GFPT2: variants seen among roughly 807,000 people sequenced by gnomAD.
The protein encoded by GFPT2 is glutamine--fructose-6-phosphate aminotransferase [isomerizing] 2.
A neutral mutation model predicts 85.6 loss-of-function variants in GFPT2; 62 were observed. The ratio of observed to expected loss-of-function variants is 0.72; its 90% CI spans 0.59 to 0.90. GFPT2 has a LOEUF of 0.90. Ranked by LOEUF, GFPT2 falls within the 40% of genes least tolerant of loss-of-function variation. The probability of loss-of-function intolerance (pLI) is 0.00; values close to 1 mark genes in which losing one functional copy is unlikely to be tolerated. For synonymous variants in GFPT2, 368 were observed against 344.5 expected (o/e 1.07, Z -0.75); for missense variants, 788 against 893.4 (o/e 0.88, Z 1.50).
chr5:180,322,373 T>G (rs2127651815), intron 9 of GFPT2, among the ~76,000 whole-genome samples: 1 of 152,306 alleles, frequency 6.6e-6, no homozygotes, highest in South Asian at 2.1e-4. Context: ...AATCTCTTAC[T>G]TCCTCATGGT....
At chr5:180,334,842 C>T (rs1486671323) in intron 4 of GFPT2, among the ~76,000 whole-genome samples, 1 of 152,224 alleles carries the variant, frequency 6.6e-6, no homozygotes, top group Admixed American at 6.5e-5. Context: ...CTCTCTTCTG[C>T]TCCATGCCTA....
chr5:180,301,235 CT>C lies in GFPT2; in HGVS notation c.*328del, dbSNP rs1206287370. 5.3e-6 allele frequency: 2 copies of C among 375,714 alleles called. No homozygotes were observed. Among genetic ancestry groups the C allele is most frequent in the Admixed American group, 4.1e-5 (1 of 24,150 alleles). 23.3% of individuals were successfully genotyped at this position (375,714 alleles called of 1,614,324 possible). A position where few individuals can be genotyped will look rare whatever the true frequency, so the allele number is the denominator to read the frequency against. ...ACAGTCGTCATTATAAATATCTTGT[CT>C]TTTAAAACTAACTCTAGTGTTGGTT... On this transcript the variant is annotated 3_prime_UTR_variant, in exon 19 of 19. Coordinates refer to ENST00000253778, the MANE Select transcript of GFPT2 (RefSeq NM_005110.4).
intron 15 of GFPT2, among the ~76,000 whole-genome samples, chr5:180,312,126 G>A (rs1763903672): frequency 1.9e-5 from 2 of 106,000 alleles, no homozygotes; most frequent in Non-Finnish European, 3.9e-5. Context: ...AGGGAGGCGG[G>A]GAGGCTGAGG....
Position 180,301,495 on chromosome 5 carries a change from G to T in GFPT2, c.*69C>A. 1 of 1,264,422 alleles carries T rather than the reference G, an allele frequency of 7.9e-7. No homozygotes were observed. Among genetic ancestry groups the T allele is most frequent in the Non-Finnish European group, 1.2e-6 (1 of 860,682 alleles). 78.3% of individuals were successfully genotyped at this position (1,264,422 alleles called of 1,614,324 possible). ...GGATGTCCACTTCTCTTCCCATGTA[G>T]CATCCCTGCTGTTGGGACAGGTCTG... On this transcript the variant is annotated 3_prime_UTR_variant, in exon 19 of 19. Transcript: ENST00000253778.
chr5:180,315,262 C>G (rs186019755), intron 13 of GFPT2, among the ~76,000 whole-genome samples: 2,723 of 151,826 alleles, frequency 0.018, 66 homozygotes, highest in East Asian at 0.097. Flanking sequence ...ACTGCAAGCT[C>G]CGCCTCCCGG....
rs1306595565 is a variant in GFPT2, at chr5:180,318,179, C to T, written c.958+614G>A. Among the ~76,000 whole-genome samples the T allele has an allele frequency of 2.6e-5, 4 of 151,928 alleles. No homozygotes were observed. The highest frequency in any genetic ancestry group is 2.0e-4 in the Admixed American group (3 of 15,264). On this transcript the variant is annotated intron_variant, in intron 10 of 18. Transcript: ENST00000253778. The surrounding 1 kb of genome is among the most constrained non-coding windows in gnomAD (Gnocchi z 4.2). ...AGCGAATGCAGGGGCTGTGGCGGGG[C>T]ACAGTGGGACAGAGGGTTGAGTGTG...
In GFPT2 at chr5:180,313,860, C is replaced by A. The variant is rs745566290; in HGVS notation, c.1378G>T (p.Asp460Tyr). Residue 460 changes from aspartate to tyrosine, a missense_variant, in exon 14 of 19, where the codon GAC becomes TAC. By Grantham distance (160) the Asp-to-Tyr change is radical. Coordinates refer to ENST00000253778, the MANE Select transcript of GFPT2 (RefSeq NM_005110.4). ...TVGSSISRET[D>Y]CGVHINAGPE... is the part of the protein sequence containing the mutation. ...CCTGCGTTGATGTGGACGCCGCAGT[C>A]GGTCTCGCGAGAGATGGAGCTGCCC... 9 of 1,601,652 alleles carry A rather than the reference C, an allele frequency of 5.6e-6. No homozygotes were observed. The highest frequency in any genetic ancestry group is 7.6e-6 in the Non-Finnish European group (9 of 1,177,236).
At chr5:180,321,786 T>C (rs1764126102) in intron 9 of GFPT2, among the ~76,000 whole-genome samples, 1 of 152,108 alleles carries the variant, frequency 6.6e-6, no homozygotes, top group South Asian at 2.1e-4. Context: ...TGTTTTGTTT[T>C]GTTTTGTTTT....
chr5:180,352,624 C>A (rs1341029726), intron 1 of GFPT2: 1 of 448,942 alleles, frequency 2.2e-6, no homozygotes. Flanking sequence ...GGCGGTAACG[C>A]GGCAGCGACC....
chr5:180,324,303 T>G lies in GFPT2; in HGVS notation c.679A>C (p.Thr227Pro). The G allele has an allele frequency of 6.4e-7, 1 of 1,554,040 alleles. No homozygotes were observed. Among genetic ancestry groups the G allele is most frequent in the Non-Finnish European group, 8.8e-7 (1 of 1,132,260 alleles). ...CAGATATTCTTCACATTCTCCAGAG[T>G]GCCTAGCAAATGGAGGAATGGGTTG... ...EQIPILYRTC[T>P]LENVKNICKT... The change falls in exon 9 of 19, where the codon ACT becomes CCT. Residue 227 changes from threonine to proline, a missense_variant and splice_region_variant. Physicochemically the swap from Thr to Pro is conservative, Grantham distance 38 (BLOSUM62 -1). Coordinates refer to ENST00000253778, the MANE Select transcript of GFPT2 (RefSeq NM_005110.4).
intron 1 of GFPT2, among the ~76,000 whole-genome samples, chr5:180,343,015 G>C (rs966263455): frequency 6.6e-6 from 1 of 152,144 alleles, no homozygotes; most frequent in African/African-American, 2.4e-5. Flanking sequence ...AGCGAGGGAG[G>C]GAACAACTCA....
chr5:180,352,252 T>A, intron 1 of GFPT2: 1 of 356,182 alleles, frequency 2.8e-6, no homozygotes, highest in Non-Finnish European at 5.3e-6. Flanking sequence ...CTCAGCAAAG[T>A]CAGAGAGAGG....
rs561617067 is a variant in GFPT2, at chr5:180,322,736, T to A, written c.794+1452A>T. ...CTTTCAGGCATTCATGCCTTTTTTT[T>A]AAAAAAAAAGAAACATCTGGATGGG... On this transcript the variant is annotated intron_variant, in intron 9 of 18. Transcript: ENST00000253778. 1.4e-3 allele frequency among the ~76,000 whole-genome samples: 208 copies of A among 151,980 alleles called. 2 individuals are homozygous for A. Among genetic ancestry groups the A allele is most frequent in the Middle Eastern group, 0.01 (3 of 294 alleles).
At position 180,318,435 on chromosome 5, in the gene GFPT2, T is replaced by TA. The variant is rs1764054786; in HGVS notation, c.958+357dup. 6.6e-6 allele frequency among the ~76,000 whole-genome samples: 1 copy of TA among 152,006 alleles called. No homozygotes were observed. The highest frequency in any genetic ancestry group is 1.5e-5 in the Non-Finnish European group (1 of 67,996). ...AGGCTCTCCTTGTAGGGAGAAAGTGTACCCCCACCCCCCATTTACTGCAGA... is the reference window on the plus strand; with the variant it reads ...AGGCTCTCCTTGTAGGGAGAAAGTGTAACCCCCACCCCCCATTTACTGCAGA... On this transcript the variant is annotated intron_variant, in intron 10 of 18. Coordinates refer to ENST00000253778, the MANE Select transcript of GFPT2 (RefSeq NM_005110.4). The surrounding 1 kb of genome is among the most constrained non-coding windows in gnomAD (Gnocchi z 4.2).
intron 2 of GFPT2, among the ~76,000 whole-genome samples, chr5:180,338,049 C>G (rs1414702839): frequency 2.0e-5 from 3 of 152,154 alleles, no homozygotes; most frequent in Non-Finnish European, 1.5e-5. Context: ...CGCCTGAGCC[C>G]AGGAGCTTGA....
At position 180,301,328 on chromosome 5, in the gene GFPT2, C is replaced by T; in HGVS notation, c.*236G>A. The T allele has an allele frequency of 1.7e-6, 1 of 590,088 alleles. No individual in the cohort carries two copies. The highest frequency in any genetic ancestry group is 2.1e-5 in the South Asian group (1 of 46,884). 36.6% of individuals were successfully genotyped at this position (590,088 alleles called of 1,614,324 possible). A position where few individuals can be genotyped will look rare whatever the true frequency, so the allele number is the denominator to read the frequency against. On this transcript the variant is annotated 3_prime_UTR_variant, in exon 19 of 19. Coordinates refer to ENST00000253778, the MANE Select transcript of GFPT2 (RefSeq NM_005110.4). ...TTGCACAGTAGTGGAGAAGTCTGCT[C>T]TGATCCCCATGTGTAAACAATGATT...
At chr5:180,347,783 T>C (rs1764637978) in intron 1 of GFPT2, among the ~76,000 whole-genome samples, 1 of 152,000 alleles carries the variant, frequency 6.6e-6, no homozygotes, top group Admixed American at 6.5e-5. Context: ...ACTGAATTCC[T>C]GGGATTTCCT....
Position 180,302,555 on chromosome 5 carries a change from G to A in GFPT2, c.1872C>T (p.Asp624=), listed in dbSNP as rs371527867. 7.1e-5 allele frequency: 114 copies of A among 1,613,770 alleles called. No individual in the cohort carries two copies. Among genetic ancestry groups the A allele is most frequent in the East Asian group, 5.8e-4 (26 of 44,876 alleles). Residue 624 remains aspartate (D), a synonymous_variant, in exon 18 of 19, where the codon GAC becomes GAT. Transcript: ENST00000253778. ...QGRPIILCSK[D]DTESSKFAYK... ...ACGCAAACTTGGAACTTTCAGTATCGTCCTTGGAGCACAGTATAATGGGGC... is the reference window on the plus strand; with the variant it reads ...ACGCAAACTTGGAACTTTCAGTATCATCCTTGGAGCACAGTATAATGGGGC...
chr5:180,312,463 G>T lies in GFPT2; in HGVS notation c.1513C>A (p.Gln505Lys). 1 of 1,606,336 alleles carries T rather than the reference G, an allele frequency of 6.2e-7. No individual in the cohort carries two copies. Among genetic ancestry groups the T allele is most frequent in the South Asian group, 1.1e-5 (1 of 90,952 alleles). ...EDRISLQNRR[Q>K]EIIRGLRSLP... ...GATCTCAAGCCACGGATGATCTCTT[G>T]CCTCCTGTTTTGTAGTGAAATTCGG... The change falls in exon 15 of 19, where the codon CAA becomes AAA. Residue 505 changes from glutamine (Q) to lysine (K), a missense_variant. Transcript: ENST00000253778.
Sources: allele counts gnomAD v4.1 joint callset (sites outside exome capture counted in the v4.1 genomes callset), GRCh38; gene constraint gnomAD v4.1.1; non-coding constraint Gnocchi (gnomAD v3.1); transcripts MANE v1.5; gene names NCBI Gene and HGNC (gene_info 2026-07-23, HGNC 2026-07-21).